SLC12A3: variants seen among roughly 807,000 people sequenced by gnomAD.
SLC12A3 encodes solute carrier family 12 member 3.
In SLC12A3, 104 loss-of-function variants were observed where a neutral mutation model predicts 121.0. The ratio of observed to expected loss-of-function variants is 0.86; its 90% confidence interval spans 0.73 to 1.01. SLC12A3 has a LOEUF of 1.01. Among genes scored for constraint, SLC12A3 ranks in the 50% least tolerant of loss-of-function variants. The pLI, the probability that SLC12A3 is intolerant of heterozygous loss-of-function variation, is 0.00. For missense variants in SLC12A3, 1,328 were observed against 1,356.3 expected (o/e 0.98, Z 0.33); for synonymous variants, 536 against 533.4 (o/e 1.00, Z -0.07).
chr16:56,893,181 G>A (rs2055414024), intron 21 of SLC12A3, 127 bp downstream of exon 21: 3 of 760,888 alleles, frequency 3.9e-6, no homozygotes, highest in Non-Finnish European at 6.8e-6. Flanking sequence ...GTGAGCTCAG[G>A]GGAGCCCAGA....
intron 6 of SLC12A3, among the ~76,000 whole-genome samples, chr16:56,870,973 T>C (rs532358968): frequency 6.6e-6 from 1 of 152,242 alleles, no homozygotes; most frequent in East Asian, 1.9e-4. Context: ...TAGCTGGGAT[T>C]ACAGGCACCT....
At position 56,914,062 on chromosome 16, in the gene SLC12A3, A is replaced by C. The variant is rs2055722011; in HGVS notation, c.*657A>C. The C allele has an allele frequency of 6.6e-6, 1 of 152,324 alleles. No homozygotes were observed. The allele number at this position is 152,324 out of a possible 1,614,324, so 9.4% of individuals were successfully genotyped here. A position where few individuals can be genotyped will look rare whatever the true frequency, so the allele number is the denominator to read the frequency against. Reference sequence around the variant, plus strand: ...ATAGCTGGGATTACAGGCACCTGCCATCACACGAGCTAATTTTTGTATTTT... The same window carrying C: ...ATAGCTGGGATTACAGGCACCTGCCCTCACACGAGCTAATTTTTGTATTTT... On this transcript the variant is annotated 3_prime_UTR_variant, in exon 26 of 26. Coordinates refer to ENST00000563236, the MANE Select transcript of SLC12A3 (RefSeq NM_001126108.2).
At chr16:56,880,303 G>A (rs1267022302) in intron 12 of SLC12A3, 50 bp downstream of exon 12, 11 of 1,544,764 alleles carry the variant, frequency 7.1e-6, no homozygotes, top group East Asian at 4.8e-5. Context: ...TCCCCTGGCC[G>A]GCCATGAGGG....
chr16:56,878,037 T>TCCCCCCCCCCCCCCCC, intron 8 of SLC12A3, 40 bp from the exon 9 acceptor site: 2 of 421,396 alleles, frequency 4.7e-6, no homozygotes, highest in South Asian at 4.8e-5. Flanking sequence ...CCTCCCTCTC[T>TCCCCCCCCCCCCCCCC]CCCTCCCTCC....
intron 4 of SLC12A3, 70 bp from the exon 5 acceptor site, chr16:56,870,026 C>T: frequency 6.3e-7 from 1 of 1,597,348 alleles, no homozygotes; most frequent in Non-Finnish European, 8.5e-7. Context: ...CTCCTGGCCT[C>T]TGCCTGCCCT....
Position 56,887,145 on chromosome 16 carries a change from C to A in SLC12A3, c.2178+52C>A, listed in dbSNP as rs537204006. On this transcript the variant is annotated intron_variant, in intron 17 of 25. Coordinates refer to ENST00000563236, the MANE Select transcript of SLC12A3 (RefSeq NM_001126108.2). Reference sequence around the variant, plus strand: ...AGGACTTACGGCTTGGTGGCACAACCTGGAAGGCAGAAAGTCTTGGCGGCC... The same window carrying A: ...AGGACTTACGGCTTGGTGGCACAACATGGAAGGCAGAAAGTCTTGGCGGCC... 53 of 1,612,006 alleles carry A rather than the reference C, an allele frequency of 3.3e-5. No individual in the cohort carries two copies. The African/African-American group carries it at 6.4e-4, about 19-fold the overall frequency.
chr16:56,898,893 C>T (rs2055500572), intron 22 of SLC12A3, among the ~76,000 whole-genome samples: 1 of 152,202 alleles, frequency 6.6e-6, no homozygotes, highest in Non-Finnish European at 1.5e-5. Context: ...AGCATTGCAT[C>T]CCCTGGGAGT....
rs1297766065 is a variant in SLC12A3, at chr16:56,880,171, C to T, written c.1485C>T (p.Phe495=). The T allele has an allele frequency of 1.6e-5, 26 of 1,605,186 alleles. No individual in the cohort carries two copies. Among genetic ancestry groups the T allele is most frequent in the East Asian group, 1.6e-4 (7 of 44,598 alleles). ...EDQLYPLIGF[F]GKGYGKNKEP... is the part of the protein sequence containing the mutation. Reference sequence around the variant, plus strand: ...AGCTGTACCCACTGATCGGCTTCTTCGGCAAAGGCTATGGCAAGAACAAGG... The same window carrying T: ...AGCTGTACCCACTGATCGGCTTCTTTGGCAAAGGCTATGGCAAGAACAAGG... Residue 495 remains phenylalanine (F), a synonymous_variant, in exon 12 of 26, where the codon TTC becomes TTT. Transcript: ENST00000563236.
chr16:56,878,514 T>C (rs566730564), intron 9 of SLC12A3, among the ~76,000 whole-genome samples: 4 of 152,248 alleles, frequency 2.6e-5, no homozygotes, highest in South Asian at 4.1e-4. Context: ...TGACTTCCCA[T>C]GTGCCCCGCC....
intron 12 of SLC12A3, among the ~76,000 whole-genome samples, chr16:56,881,272 C>A (rs1338335309): frequency 6.6e-6 from 1 of 152,216 alleles, no homozygotes; most frequent in Non-Finnish European, 1.5e-5. Flanking sequence ...CCAAGGTAAG[C>A]TTTTCAGACA....
At chr16:56,889,295 A>G (rs2055358665) in intron 18 of SLC12A3, among the ~76,000 whole-genome samples, 1 of 152,132 alleles carries the variant, frequency 6.6e-6, no homozygotes. Context: ...CAACATTCCA[A>G]ACCTTCAAAA....
intron 12 of SLC12A3, 85 bp from the exon 13 acceptor site, chr16:56,882,311 C>T (rs1596913484): frequency 2.7e-6 from 3 of 1,103,090 alleles, no homozygotes; most frequent in African/African-American, 1.5e-5. Flanking sequence ...TGTCTGGGGT[C>T]CCCCACCCTG....
intron 3 of SLC12A3, 146 bp downstream of exon 3, chr16:56,868,518 G>A: frequency 1.2e-6 from 1 of 820,036 alleles, no homozygotes; most frequent in South Asian, 1.5e-5. Context: ...TCTCCTCCCT[G>A]GTTCAGTCTC....
rs5801 is a variant in SLC12A3 at position 56,879,601 on chromosome 16, C to G, written c.1395C>G (p.Thr465=). Residue 465 remains threonine (T), a synonymous_variant, in exon 11 of 26, where the codon ACC becomes ACG. Coordinates refer to ENST00000563236, the MANE Select transcript of SLC12A3 (RefSeq NM_001126108.2). ...TCACGGCTGGCATCTTCGGGGCCAC[C>G]CTCTCCTCTGCCCTGGCCTGCCTTG... is the stretch of plus-strand genomic sequence containing the variant. ...PLITAGIFGA[T]LSSALACLVS... 1 of 1,613,540 alleles carries G rather than the reference C, an allele frequency of 6.2e-7. No homozygotes were observed. The highest frequency in any genetic ancestry group is 8.5e-7 in the Non-Finnish European group (1 of 1,179,946).
At position 56,913,308 on chromosome 16, in the gene SLC12A3, A is replaced by G. The variant is rs1358978662; in HGVS notation, c.2969A>G (p.Tyr990Cys). The G allele has an allele frequency of 2.0e-5, 32 of 1,614,076 alleles. No individual in the cohort carries two copies. The highest frequency in any genetic ancestry group is 2.6e-5 in the Non-Finnish European group (31 of 1,180,008). The part of the protein sequence containing the change: ...GRKGKCPSSL[Y>C]MAWLETLSQD... ...AAGGGGAAGTGCCCCAGCTCGCTGT[A>G]CATGGCCTGGCTGGAGACCCTGTCC... The change falls in exon 26 of 26, where the codon TAC becomes TGC. Residue 990 changes from tyrosine (Y) to cysteine (C), a missense_variant. By Grantham distance (194) the Tyr-to-Cys change is radical. Transcript: ENST00000563236.
chr16:56,902,500 A>G lies in SLC12A3; in HGVS notation c.2848A>G (p.Arg950Gly). Residue 950 changes from arginine (R) to glycine (G), a missense_variant, in exon 24 of 26, where the codon AGA (arginine) becomes GGA (glycine). Physicochemically the swap from Arg to Gly is moderately radical, Grantham distance 125 (BLOSUM62 -2). Transcript: ENST00000563236. ...KISDEEITKNRVKSLRQVRLN... is the reference protein window; with the variant it reads ...KISDEEITKNGVKSLRQVRLN... ...CTCAGATGAGGAGATTACGAAGAAC[A>G]GAGTCAAGGTGCAGAGAGGGGTGGG... 1.0e-6 allele frequency: 1 copy of G among 963,042 alleles called. No individual in the cohort carries two copies. The highest frequency in any genetic ancestry group is 1.7e-5 in the African/African-American group (1 of 58,496). The allele number at this position is 963,042 out of a possible 1,614,324, so 59.7% of individuals were successfully genotyped here.
At chr16:56,865,917 C>T (rs1455575068) in intron 1 of SLC12A3, among the ~76,000 whole-genome samples, 1 of 152,146 alleles carries the variant, frequency 6.6e-6, no homozygotes, top group Non-Finnish European at 1.5e-5. Context: ...TTGTCATGAC[C>T]CCTGTCTGGC....
chr16:56,876,604 G>C (rs2055167110), intron 8 of SLC12A3, among the ~76,000 whole-genome samples: 1 of 151,072 alleles, frequency 6.6e-6, no homozygotes, highest in Non-Finnish European at 1.5e-5. Flanking sequence ...GGTCCCAGCA[G>C]ACCTGGGCTC....
At chr16:56,894,760 G>A (rs2055439665) in intron 22 of SLC12A3, 118 bp downstream of exon 22, 3 of 770,500 alleles carry the variant, frequency 3.9e-6, no homozygotes, top group Admixed American at 4.0e-5. Context: ...CACTGAGATT[G>A]TCCCAAAGCC....
Sources: allele counts gnomAD v4.1 joint callset (sites outside exome capture counted in the v4.1 genomes callset), GRCh38; gene constraint gnomAD v4.1.1; transcripts MANE v1.5; gene names NCBI Gene and HGNC (gene_info 2026-07-23, HGNC 2026-07-21).